Variants in HIPK1 observed in about 807,000 individuals in gnomAD.
HIPK1 encodes the protein homeodomain-interacting protein kinase 1.
A neutral mutation model predicts 117.1 loss-of-function variants in HIPK1; 28 were observed. The observed-to-expected ratio is 0.24, with a 90% CI of 0.18 to 0.33. The LOEUF (loss-of-function observed/expected upper bound fraction) is 0.33, where lower values mean the gene tolerates loss of function less well. Among genes scored for constraint, HIPK1 ranks in the 10% least tolerant of loss-of-function variants. The pLI is 1.00. For synonymous variants in HIPK1, 605 were observed against 562.5 expected (o/e 1.08, Z -1.07); for missense variants, 1,122 against 1,475.1 (o/e 0.76, Z 3.92).
intron 9 of HIPK1, 147 bp from the exon 10 acceptor site, chr1:113,963,240 G>T: frequency 1.1e-6 from 1 of 877,662 alleles, no homozygotes; most frequent in East Asian, 2.6e-5. Flanking sequence ...AAGTTGAAGG[G>T]GGAAAGTTGT....
At chr1:113,957,979 C>A in intron 7 of HIPK1, 87 bp from the exon 8 acceptor site, 1 of 990,752 alleles carries the variant, frequency 1.0e-6, no homozygotes, top group Non-Finnish European at 1.5e-6. Flanking sequence ...CATTATTCTA[C>A]GTTTTTCTGG....
At chr1:113,931,381 A>T (rs78456212) in intron 1 of HIPK1, among the ~76,000 whole-genome samples, 1,585 of 152,294 alleles carry the variant, frequency 0.01, 33 homozygotes, top group African/African-American at 0.036. Flanking sequence ...CATTGACTTT[A>T]AGATACTGTT....
chr1:113,945,180 ATCTTC>A (rs1670911620), intron 2 of HIPK1, among the ~76,000 whole-genome samples: 1 of 152,108 alleles, frequency 6.6e-6, no homozygotes, highest in Non-Finnish European at 1.5e-5. Context: ...ACATCTGTAT[ATCTTC>A]TTTGGAGAAA....
intron 3 of HIPK1, 31 bp from the exon 4 acceptor site, chr1:113,954,619 CA>C: frequency 6.2e-7 from 1 of 1,610,306 alleles, no homozygotes; most frequent in Non-Finnish European, 8.5e-7. Context: ...CTTTTCACTC[CA>C]AATAGTTGTT....
chr1:113,972,936 A>G (rs1393202595), intron 15 of HIPK1, 88 bp from the exon 16 acceptor site: 3 of 1,423,664 alleles, frequency 2.1e-6, no homozygotes, highest in Non-Finnish European at 2.8e-6. Flanking sequence ...AAAACAGTAC[A>G]AGTCAGAACC....
chr1:113,950,723 G>A (rs537796032), intron 2 of HIPK1, among the ~76,000 whole-genome samples: 1 of 152,058 alleles, frequency 6.6e-6, no homozygotes, highest in African/African-American at 2.4e-5. Flanking sequence ...GGCTGTTCTC[G>A]AACTCGTGAC....
At chr1:113,958,003 A>G (rs577544340) in intron 7 of HIPK1, 63 bp from the exon 8 acceptor site, 11 of 1,151,250 alleles carry the variant, frequency 9.6e-6, no homozygotes, top group African/African-American at 6.1e-5. Flanking sequence ...AATTCTGTAT[A>G]TATAAAATTA....
intron 1 of HIPK1, chr1:113,930,669 T>A: frequency 6.6e-6 from 1 of 152,270 alleles, no homozygotes; most frequent in Non-Finnish European, 1.5e-5. Flanking sequence ...GAGTCCCCTT[T>A]TTGTGCTTAG....
intron 1 of HIPK1, among the ~76,000 whole-genome samples, 181 bp from the exon 2 acceptor site, chr1:113,940,201 C>T (rs556043092): frequency 1.3e-5 from 2 of 152,176 alleles, no homozygotes; most frequent in East Asian, 1.9e-4. Flanking sequence ...TTGTCCAGCA[C>T]GTTCTGTACA....
chr1:113,971,275 A>G (rs577174879), intron 14 of HIPK1, among the ~76,000 whole-genome samples: 2 of 152,346 alleles, frequency 1.3e-5, no homozygotes, highest in East Asian at 1.9e-4. Flanking sequence ...AATATAGGCT[A>G]TCACATGAGA....
intron 8 of HIPK1, 94 bp from the exon 9 acceptor site, chr1:113,962,223 G>C: frequency 1.5e-6 from 2 of 1,295,314 alleles, no homozygotes; most frequent in South Asian, 2.8e-5. Flanking sequence ...CTGAACAGTG[G>C]ATTATTTGAA....
chr1:113,942,372 G>A (rs1360560958), intron 2 of HIPK1, among the ~76,000 whole-genome samples: 1 of 152,228 alleles, frequency 6.6e-6, no homozygotes, highest in African/African-American at 2.4e-5. Flanking sequence ...CCATTTTGAA[G>A]AGTCTTGAAA....
chr1:113,941,475 T>A lies in HIPK1; in HGVS notation c.1076+16T>A. The A allele has an allele frequency of 6.3e-7, 1 of 1,590,388 alleles. No homozygotes were observed. On this transcript the variant is annotated intron_variant, in intron 2 of 15. Transcript: ENST00000426820. This position sits in a 1 kb window ranked among gnomAD's most constrained non-coding sequence, Gnocchi z 4.9. Reference sequence around the variant, plus strand: ...GTTACTACAGGCAAGTGGCAAATGCTGAAAATCGTATCTTAGGCTAGAGTT... The same window carrying A: ...GTTACTACAGGCAAGTGGCAAATGCAGAAAATCGTATCTTAGGCTAGAGTT...
intron 13 of HIPK1, among the ~76,000 whole-genome samples, chr1:113,968,908 T>A (rs1227036848): frequency 6.6e-6 from 1 of 152,162 alleles, no homozygotes; most frequent in Non-Finnish European, 1.5e-5. Flanking sequence ...GTATCCCAGC[T>A]ACTCGGGAGG....
At chr1:113,945,088 A>G (rs554864617) in intron 2 of HIPK1, among the ~76,000 whole-genome samples, 19 of 151,302 alleles carry the variant, frequency 1.3e-4, no homozygotes, top group Non-Finnish European at 2.4e-4. Flanking sequence ...GGCTCAAGTG[A>G]TATGCCCGCC....
In HIPK1 at chr1:113,941,223, G is replaced by A. The variant is rs1670617821; in HGVS notation, c.840G>A (p.Lys280=). Reference sequence around the variant, plus strand: ...AGCAGAACTTATATGATTTTCTAAAGCAAAACAAATTTAGCCCACTGCCAC... The same window carrying A: ...AGCAGAACTTATATGATTTTCTAAAACAAAACAAATTTAGCCCACTGCCAC... The part of the protein sequence containing the change: ...MLEQNLYDFL[K]QNKFSPLPLK... The change falls in exon 2 of 16, where the codon AAG becomes AAA. Residue 280 remains lysine (K), a synonymous_variant. Transcript: ENST00000426820. This position sits in a 1 kb window ranked among gnomAD's most constrained non-coding sequence, Gnocchi z 4.9. The A allele has an allele frequency of 6.2e-7, 1 of 1,614,198 alleles. No homozygotes were observed. Among genetic ancestry groups the A allele is most frequent in the Non-Finnish European group, 8.5e-7 (1 of 1,180,036 alleles).
rs774270345 is a variant in HIPK1, at chr1:113,929,711, A to AGGCGGCGGC, written c.-3+191_-3+199dup. 1.8e-3 allele frequency: 1,457 copies of AGGCGGCGGC among 803,198 alleles called. 5 individuals carry two copies. The highest frequency in any genetic ancestry group is 2.7e-3 in the Admixed American group (40 of 14,930). The allele number at this position is 803,198 out of a possible 1,614,324, so 49.8% of individuals were successfully genotyped here. A position where few individuals can be genotyped will look rare whatever the true frequency, so the allele number is the denominator to read the frequency against. ...GCCGAGGCGGGAGCGCGCGGGGCTG[A>AGGCGGCGGC]GGCGGCGGCGGCGGCGGCGGGAAGG... On this transcript the variant is annotated intron_variant, in intron 1 of 15. Coordinates refer to ENST00000426820, the MANE Select transcript of HIPK1 (RefSeq NM_198268.3).
intron 13 of HIPK1, among the ~76,000 whole-genome samples, chr1:113,968,944 C>G (rs530941151): frequency 1.3e-5 from 2 of 152,250 alleles, no homozygotes; most frequent in East Asian, 3.9e-4. Flanking sequence ...CACTTGAACC[C>G]AGGAGGCGGA....
At chr1:113,960,275 C>T (rs1672010785) in intron 8 of HIPK1, among the ~76,000 whole-genome samples, 1 of 152,134 alleles carries the variant, frequency 6.6e-6, no homozygotes, top group African/African-American at 2.4e-5. Flanking sequence ...AAAAATGAAA[C>T]TATAATCCCT....
Sources: gnomAD v4.1 joint callset for allele counts (sites outside exome capture counted in the v4.1 genomes callset) on GRCh38, gnomAD v4.1.1 for gene constraint, Gnocchi (gnomAD v3.1) non-coding constraint, MANE v1.5 for transcripts, NCBI Gene and HGNC (gene_info 2026-07-23, HGNC 2026-07-21) for gene names.